The following NLRP14 variants were observed in gnomAD, a reference collection of about 807,000 sequenced individuals.
NLRP14 encodes NLR family pyrin domain containing 14.
In NLRP14, 105 loss-of-function variants were observed where a neutral mutation model predicts 94.7. The ratio of observed to expected loss-of-function variants is 1.11; its 90% CI spans 0.95 to 1.30. The LOEUF (loss-of-function observed/expected upper bound fraction) is 1.30. NLRP14 is among the 50% of genes most tolerant of loss of function. The pLI is 0.00. For synonymous variants in NLRP14, 508 were observed against 459.9 expected (o/e 1.10, Z -1.34); for missense variants, 1,362 against 1,254.1 (o/e 1.09, Z -1.30).
chr11:7,089,620 C>T, the NLRP14 span: 5 of 1,224,094 alleles, frequency 4.1e-6, no homozygotes, highest in African/African-American at 3.2e-5. Flanking sequence ...GCCGCGCCGT[C>T]GGGCCCGGCT....
At chr11:7,049,624 GGA>G in intron 5 of NLRP14, 45 bp from the exon 6 acceptor site, 1 of 1,316,478 alleles carries the variant, frequency 7.6e-7, no homozygotes. Flanking sequence ...CTGTAACCAA[GGA>G]GAGAAATGGT....
intron 1 of NLRP14, among the ~76,000 whole-genome samples, chr11:7,037,157 A>T (rs960051606): frequency 1.3e-5 from 2 of 152,300 alleles, no homozygotes; most frequent in Non-Finnish European, 1.5e-5. Flanking sequence ...GAAATTTCAG[A>T]GTTCTTTTTT....
At chr11:7,031,021 G>T (rs1467444942) in intron 1 of NLRP14, among the ~76,000 whole-genome samples, 8 of 152,166 alleles carry the variant, frequency 5.3e-5, no homozygotes, top group Admixed American at 1.3e-4. Flanking sequence ...TAGGTCAGGC[G>T]GTGGGGTCCA....
chr11:7,049,217 G>A (rs531688326), intron 5 of NLRP14, among the ~76,000 whole-genome samples: 12 of 152,302 alleles, frequency 7.9e-5, no homozygotes, highest in South Asian at 4.1e-4. Flanking sequence ...GGCTGCCTCC[G>A]TACACCTGCC....
chr11:7,078,601 C>T, the NLRP14 span, among the ~76,000 whole-genome samples: 1 of 151,752 alleles, frequency 6.6e-6, no homozygotes, highest in African/African-American at 2.4e-5. Context: ...ACCACCCTGG[C>T]TAACATGGTG....
At chr11:7,053,024 G>A (rs10769759) in intron 6 of NLRP14, among the ~76,000 whole-genome samples, 1 of 151,806 alleles carries the variant, frequency 6.6e-6, no homozygotes, top group Non-Finnish European at 1.5e-5. Flanking sequence ...TACCAAAAAA[G>A]TTTAAGTGAA....
At chr11:7,046,613 GCTAGGCTGAAATAA>G (rs1476830611) in intron 4 of NLRP14, 41 bp from the exon 5 acceptor site, 3 of 1,512,478 alleles carry the variant, frequency 2.0e-6, no homozygotes, top group Non-Finnish European at 2.8e-6. Flanking sequence ...CTGAGAGTTG[GCTAGGCTGAAATAA>G]AATCAGCATT....
chr11:7,070,167 CTG>C, intron 10 of NLRP14, 117 bp from the exon 11 acceptor site: 1 of 726,212 alleles, frequency 1.4e-6, no homozygotes, highest in Non-Finnish European at 2.4e-6. Flanking sequence ...TTTATACTAA[CTG>C]TGCTCATTTT....
chr11:7,023,216 C>A (rs1589853971), intron 1 of NLRP14, among the ~76,000 whole-genome samples: 1 of 149,704 alleles, frequency 6.7e-6, no homozygotes, highest in Non-Finnish European at 1.5e-5. Context: ...AGAAGATAAC[C>A]ATTTTATATA....
At chr11:7,026,894 T>A (rs1022257350) in intron 1 of NLRP14, among the ~76,000 whole-genome samples, 1 of 151,796 alleles carries the variant, frequency 6.6e-6, no homozygotes, top group Non-Finnish European at 1.5e-5. Context: ...CACACCAGCA[T>A]GGCACATGTA....
chr11:7,041,521 T>C (rs958458748), intron 3 of NLRP14, among the ~76,000 whole-genome samples: 2 of 152,292 alleles, frequency 1.3e-5, no homozygotes, highest in Non-Finnish European at 2.9e-5. Context: ...CCTATAGTTA[T>C]ACCTTATTCA....
chr11:7,031,566 T>C (rs1179671511), intron 1 of NLRP14, among the ~76,000 whole-genome samples: 1 of 152,202 alleles, frequency 6.6e-6, no homozygotes, highest in Non-Finnish European at 1.5e-5. Flanking sequence ...TGGCAGGCAC[T>C]GCGTGCAGTG....
chr11:7,049,878 T>C (rs370979565), intron 6 of NLRP14, 40 bp downstream of exon 6: 259 of 1,548,558 alleles, frequency 1.7e-4, no homozygotes, highest in Non-Finnish European at 2.1e-4. Context: ...GTTTTTATAA[T>C]TGAGGCTTTT....
chr11:7,036,131 C>G (rs954566605), intron 1 of NLRP14, among the ~76,000 whole-genome samples: 13 of 152,114 alleles, frequency 8.5e-5, no homozygotes, highest in Non-Finnish European at 2.9e-5. Context: ...TTATTTTGAA[C>G]AAATATGCTT....
At chr11:7,060,541 C>A (rs1026901604) in intron 9 of NLRP14, among the ~76,000 whole-genome samples, 3 of 152,034 alleles carry the variant, frequency 2.0e-5, no homozygotes, top group African/African-American at 7.2e-5. Context: ...CCTAGTGAAT[C>A]TACTGTGTGT....
Position 7,071,365 on chromosome 11 carries a change from T to C in NLRP14, c.*57T>C, listed in dbSNP as rs1381877364. On this transcript the variant is annotated 3_prime_UTR_variant, in exon 12 of 12. Coordinates refer to ENST00000299481, the MANE Select transcript of NLRP14 (RefSeq NM_176822.4). ...AAATATAAATACATACATACATAGA[T>C]ATATACCCAGACTTGGGTGCTTAGC... 26 of 1,447,678 alleles carry C rather than the reference T, an allele frequency of 1.8e-5. No individual in the cohort carries two copies. The highest frequency in any genetic ancestry group is 2.5e-5 in the Non-Finnish European group (26 of 1,047,550). The allele number at this position is 1,447,678 out of a possible 1,614,324, so 89.7% of individuals were successfully genotyped here.
chr11:7,028,215 C>T (rs922783641), intron 1 of NLRP14, among the ~76,000 whole-genome samples: 1 of 152,170 alleles, frequency 6.6e-6, no homozygotes. Context: ...AAATGTACTC[C>T]TGAAATGCCT....
chr11:7,033,566 G>C (rs1454273821), intron 1 of NLRP14, among the ~76,000 whole-genome samples: 1 of 152,032 alleles, frequency 6.6e-6, no homozygotes, highest in African/African-American at 2.4e-5. Context: ...ATTGTCCTGG[G>C]TGGACATCTT....
the NLRP14 span, chr11:7,089,498 G>C: frequency 8.1e-7 from 1 of 1,233,424 alleles, no homozygotes. Flanking sequence ...CCCGGGGCGG[G>C]CCCGATGATG....
Sources: gnomAD v4.1 joint callset for allele counts (sites outside exome capture counted in the v4.1 genomes callset) on GRCh38, gnomAD v4.1.1 for gene constraint, MANE v1.5 for transcripts, NCBI Gene and HGNC (gene_info 2026-07-23, HGNC 2026-07-21) for gene names.